MACROD2: variants seen among roughly 807,000 people sequenced by gnomAD.
The protein encoded by MACROD2 is ADP-ribose glycohydrolase MACROD2.
Under a neutral mutation model 70.4 loss-of-function variants are expected in MACROD2, and 36 were observed. The observed-to-expected ratio is 0.51, with a 90% CI of 0.39 to 0.68. The LOEUF is 0.68. Ranked by LOEUF, MACROD2 falls within the 30% of genes least tolerant of loss-of-function variation. The probability of loss-of-function intolerance (pLI) is 0.00; values close to 1 mark genes in which losing one functional copy is unlikely to be tolerated. For synonymous variants in MACROD2, 172 were observed against 178.8 expected (o/e 0.96, Z 0.30); for missense variants, 496 against 538.4 (o/e 0.92, Z 0.78).
chr20:15,204,847 T>C (rs1214558671), intron 5 of MACROD2, among the ~76,000 whole-genome samples: 1 of 152,130 alleles, frequency 6.6e-6, no homozygotes, highest in African/African-American at 2.4e-5. Context: ...AAGATTCCAC[T>C]GCATAATGAT....
At chr20:15,035,823 C>T (rs1180806323) in intron 5 of MACROD2, among the ~76,000 whole-genome samples, 1 of 152,172 alleles carries the variant, frequency 6.6e-6, no homozygotes, top group African/African-American at 2.4e-5. Flanking sequence ...GACCTTCATC[C>T]TCTTCTCCTT....
chr20:15,709,221 G>T (rs2050587883), intron 8 of MACROD2, among the ~76,000 whole-genome samples: 1 of 152,194 alleles, frequency 6.6e-6, no homozygotes, highest in Non-Finnish European at 1.5e-5. Context: ...TCGGGCTGTG[G>T]TGGCCCTGCA....
intron 3 of MACROD2, among the ~76,000 whole-genome samples, chr20:14,131,760 ACT>A (rs1453071557): frequency 6.6e-6 from 1 of 151,940 alleles, no homozygotes; most frequent in African/African-American, 2.4e-5. Flanking sequence ...ACAGGATCTC[ACT>A]CTGTCACTCA....
intron 12 of MACROD2, among the ~76,000 whole-genome samples, chr20:15,948,839 A>G (rs2065865844): frequency 1.3e-5 from 2 of 152,200 alleles, no homozygotes; most frequent in Admixed American, 6.5e-5. Context: ...CAATTCCATT[A>G]CATGCTCTCT....
intron 8 of MACROD2, among the ~76,000 whole-genome samples, chr20:15,537,396 A>G (rs1192669027): frequency 7.0e-6 from 1 of 143,490 alleles, no homozygotes; most frequent in African/African-American, 2.6e-5. Flanking sequence ...GCTCCTTTCC[A>G]CTCATCATTT....
chr20:14,932,512 T>C (rs371131957), intron 5 of MACROD2, among the ~76,000 whole-genome samples: 1 of 152,162 alleles, frequency 6.6e-6, no homozygotes, highest in Non-Finnish European at 1.5e-5. Flanking sequence ...TTCCATTTCA[T>C]GTATACCCAA....
At chr20:14,739,886 T>C (rs1266667703) in intron 5 of MACROD2, among the ~76,000 whole-genome samples, 2 of 152,030 alleles carry the variant, frequency 1.3e-5, no homozygotes, top group Non-Finnish European at 2.9e-5. Flanking sequence ...AATGCATTCA[T>C]GGTATGTTAA....
At position 14,803,199 on chromosome 20, in the gene MACROD2, C is replaced by T. The variant is rs116829930; in HGVS notation, c.418+118240C>T. On this transcript the variant is annotated intron_variant, in intron 5 of 17. Transcript: ENST00000684519. ...ATATTGCCTGTGGCAGAATCTATTA[C>T]CAAGAAGTGGAGACCATGATTTGAA... Among the ~76,000 whole-genome samples the T allele has an allele frequency of 3.7e-3, 569 of 152,118 alleles. 12 individuals are homozygous for T. The highest frequency in any genetic ancestry group is 0.013 in the African/African-American group (547 of 41,460).
chr20:15,663,523 A>G (rs2049852512), intron 8 of MACROD2, among the ~76,000 whole-genome samples: 1 of 152,004 alleles, frequency 6.6e-6, no homozygotes, highest in Admixed American at 6.6e-5. Context: ...GGCATGAGCC[A>G]TCGTGCCTCG....
chr20:15,858,334 A>C (rs1389472175), intron 8 of MACROD2, among the ~76,000 whole-genome samples: 1 of 152,152 alleles, frequency 6.6e-6, no homozygotes. Context: ...AGGCATTCTT[A>C]TAGGTTCTCA....
intron 7 of MACROD2, among the ~76,000 whole-genome samples, chr20:15,467,594 T>G (rs1381873761): frequency 2.0e-5 from 3 of 152,238 alleles, no homozygotes; most frequent in Non-Finnish European, 4.4e-5. Flanking sequence ...CCAAATCTCC[T>G]TTTCTTTATA....
chr20:14,527,552 A>T (rs1206102682), intron 4 of MACROD2, among the ~76,000 whole-genome samples: 1 of 152,190 alleles, frequency 6.6e-6, no homozygotes, highest in African/African-American at 2.4e-5. Context: ...CAAATAAAAG[A>T]TGCATCAACG....
intron 4 of MACROD2, among the ~76,000 whole-genome samples, chr20:14,583,925 T>G (rs779822479): frequency 9.2e-5 from 14 of 152,138 alleles, no homozygotes; most frequent in Admixed American, 1.3e-4. Flanking sequence ...ACCATAGGCA[T>G]GATCAATCCT....
intron 3 of MACROD2, among the ~76,000 whole-genome samples, chr20:14,447,588 A>G (rs1427376317): frequency 6.6e-6 from 1 of 151,766 alleles, no homozygotes; most frequent in East Asian, 1.9e-4. Flanking sequence ...TCTCCCCCAG[A>G]CTTGGGAGAG....
chr20:14,579,341 C>T (rs939589188), intron 4 of MACROD2, among the ~76,000 whole-genome samples: 4 of 151,116 alleles, frequency 2.6e-5, no homozygotes, highest in Non-Finnish European at 5.9e-5. Context: ...CGGGGTTTCA[C>T]CTTGTTAGCC....
intron 3 of MACROD2, among the ~76,000 whole-genome samples, chr20:14,356,958 G>C (rs1024263528): frequency 1.1e-4 from 16 of 152,254 alleles, no homozygotes; most frequent in Admixed American, 3.9e-4. Context: ...AGCATGTCTG[G>C]ATTTGGAAAG....
intron 5 of MACROD2, among the ~76,000 whole-genome samples, chr20:14,837,257 G>T (rs1016605613): frequency 2.6e-5 from 4 of 151,952 alleles, no homozygotes; most frequent in Non-Finnish European, 4.4e-5. Context: ...GGCTATGAGT[G>T]AATATCTTTA....
chr20:15,904,145 AC>A (rs2065107513), intron 10 of MACROD2, among the ~76,000 whole-genome samples: 1 of 152,070 alleles, frequency 6.6e-6, no homozygotes, highest in Non-Finnish European at 1.5e-5. Context: ...ATAGTAGCGC[AC>A]CCCGAGGCCA....
chr20:15,587,393 A>G (rs2048617179), intron 8 of MACROD2, among the ~76,000 whole-genome samples: 1 of 152,138 alleles, frequency 6.6e-6, no homozygotes. Flanking sequence ...AAACCATATC[A>G]TTCTGCCCCT....
Sources: gnomAD v4.1 joint callset for allele counts (sites outside exome capture counted in the v4.1 genomes callset) on GRCh38, gnomAD v4.1.1 for gene constraint, MANE v1.5 for transcripts, NCBI Gene and HGNC (gene_info 2026-07-23, HGNC 2026-07-21) for gene names.